The following SMCO2 variants were observed in gnomAD, a reference collection of about 807,000 sequenced individuals.
SMCO2 encodes single-pass membrane and coiled-coil domain-containing protein 2.
SMCO2 carries 25 observed loss-of-function variants against 29.5 expected under a neutral mutation model. The ratio of observed to expected loss-of-function variants is 0.85; its 90% CI spans 0.62 to 1.18. SMCO2 has a LOEUF of 1.18. Ranked by LOEUF, SMCO2 falls within the 50% of genes most tolerant of loss-of-function variation. The probability of loss-of-function intolerance (pLI) is 0.00; values close to 1 mark genes in which losing one functional copy is unlikely to be tolerated. For missense variants in SMCO2, 348 were observed against 344.5 expected, an observed-to-expected ratio of 1.01 and a Z score of -0.08; for synonymous variants, 117 against 123.3, an observed-to-expected ratio of 0.95 and a Z score of 0.34.
chr12:27,490,669 C>G (rs1296926471), intron 5 of SMCO2, among the ~76,000 whole-genome samples: 1 of 152,198 alleles, frequency 6.6e-6, no homozygotes, highest in Non-Finnish European at 1.5e-5. Context: ...GTGACTCACA[C>G]CTGTAACCCC....
At chr12:27,473,945 A>G (rs141193450) in intron 3 of SMCO2, among the ~76,000 whole-genome samples, 10 of 152,362 alleles carry the variant, frequency 6.6e-5, no homozygotes, top group African/African-American at 2.2e-4. Context: ...GCTTTTCTAG[A>G]ACATGGCAAA....
chr12:27,469,993 G>T (rs1233852939), intron 1 of SMCO2, among the ~76,000 whole-genome samples: 2 of 152,190 alleles, frequency 1.3e-5, no homozygotes, highest in African/African-American at 4.8e-5. Context: ...CTTTGAACCA[G>T]TAATTCCACC....
chr12:27,492,856 C>T (rs546516442), intron 5 of SMCO2, among the ~76,000 whole-genome samples: 1 of 152,278 alleles, frequency 6.6e-6, no homozygotes, highest in South Asian at 2.1e-4. Context: ...GAATATAAAT[C>T]ACTCTACCAT....
intron 4 of SMCO2, among the ~76,000 whole-genome samples, chr12:27,483,333 G>A (rs1283608589): frequency 6.6e-6 from 1 of 152,062 alleles, no homozygotes; most frequent in Non-Finnish European, 1.5e-5. Context: ...TGAGGCTCTG[G>A]TTTTAGTTGC....
At chr12:27,484,404 C>G (rs1217641251) in intron 4 of SMCO2, among the ~76,000 whole-genome samples, 1 of 152,008 alleles carries the variant, frequency 6.6e-6, no homozygotes, top group Non-Finnish European at 1.5e-5. Context: ...CCAAAACTAT[C>G]TTCTGTGATA....
At chr12:27,436,939 A>G in the SMCO2 span, among the ~76,000 whole-genome samples, 1 of 152,240 alleles carries the variant, frequency 6.6e-6, no homozygotes, top group African/African-American at 2.4e-5. Flanking sequence ...TTGCCCTTAC[A>G]AAAGATGACT....
At chr12:27,494,625 T>C (rs1180514047) in intron 6 of SMCO2, among the ~76,000 whole-genome samples, 2 of 151,924 alleles carry the variant, frequency 1.3e-5, no homozygotes, top group African/African-American at 4.8e-5. Flanking sequence ...TCATCTACAT[T>C]AGGTATTTCT....
intron 4 of SMCO2, among the ~76,000 whole-genome samples, chr12:27,477,210 GTTTTT>G (rs770789669): frequency 1.6e-5 from 1 of 62,668 alleles, no homozygotes; most frequent in Admixed American, 1.8e-4. Context: ...TGGCTGTCAG[GTTTTT>G]TTTTTTTTTT....
intron 5 of SMCO2, among the ~76,000 whole-genome samples, chr12:27,490,403 G>T (rs1949725571): frequency 6.6e-6 from 1 of 152,240 alleles, no homozygotes; most frequent in South Asian, 2.1e-4. Flanking sequence ...GGAAATTTAG[G>T]GGCTGATGGA....
exon 2 of SMCO2, chr12:27,470,688 C>T: frequency 6.4e-7 from 1 of 1,551,288 alleles, no homozygotes; most frequent in Non-Finnish European, 8.7e-7. Flanking sequence ...TGAAGATGGA[C>T]TGCCAGGAAC....
intron 1 of SMCO2, among the ~76,000 whole-genome samples, chr12:27,469,991 C>T (rs1949527975): frequency 6.6e-6 from 1 of 152,170 alleles, no homozygotes. Context: ...TCCTTTGAAC[C>T]AGTAATTCCA....
chr12:27,432,069 G>T, the SMCO2 span, among the ~76,000 whole-genome samples: 2 of 151,394 alleles, frequency 1.3e-5, no homozygotes, highest in Non-Finnish European at 3.0e-5. Flanking sequence ...TTGGCCATTT[G>T]TATATCTTCT....
Position 27,475,573 on chromosome 12 carries a change from T to C in SMCO2, c.362+660T>C. ...TGCTTTGAAAATGATCACCATAATA[T>C]TTCCGCAGGTGTCTGAAGGGCATGT... is the stretch of plus-strand genomic sequence containing the variant. On this transcript the variant is annotated intron_variant, in intron 4 of 7. Transcript: ENST00000298876. The C allele has an allele frequency of 6.6e-7, 1 of 1,517,810 alleles. No homozygotes were observed. The highest frequency in any genetic ancestry group is 8.8e-7 in the Non-Finnish European group (1 of 1,136,920). The allele number at this position is 1,517,810 out of a possible 1,614,324, so 94.0% of individuals were successfully genotyped here.
At chr12:27,485,202 C>CT (rs1396060324) in intron 4 of SMCO2, among the ~76,000 whole-genome samples, 1 of 151,308 alleles carries the variant, frequency 6.6e-6, no homozygotes, top group Non-Finnish European at 1.5e-5. Flanking sequence ...ATTCACTAAT[C>CT]TTTTGGTTCT....
At chr12:27,475,698 A>C in intron 4 of SMCO2, 1 of 1,549,492 alleles carries the variant, frequency 6.5e-7, no homozygotes, top group South Asian at 1.2e-5. Flanking sequence ...AATATTATTA[A>C]AAAAATAAAT....
intron 4 of SMCO2, among the ~76,000 whole-genome samples, chr12:27,476,005 T>C (rs1289220165): frequency 6.6e-6 from 1 of 152,234 alleles, no homozygotes; most frequent in Admixed American, 6.5e-5. Context: ...TGTTTATTGC[T>C]GTAAACTTAC....
intron 7 of SMCO2, 65 bp from the exon 9 acceptor site, chr12:27,501,858 C>T: frequency 7.8e-7 from 1 of 1,282,426 alleles, no homozygotes; most frequent in Non-Finnish European, 1.0e-6. Context: ...GGTGGAGGTG[C>T]CAGGAGCCTA....
chr12:27,475,805 G>T, intron 4 of SMCO2, 74 bp downstream of exon 5: 3 of 1,330,318 alleles, frequency 2.3e-6, no homozygotes, highest in South Asian at 2.0e-5. Flanking sequence ...AGAAACTTTG[G>T]GCTTAAGATG....
At chr12:27,432,766 A>T in the SMCO2 span, among the ~76,000 whole-genome samples, 1 of 152,228 alleles carries the variant, frequency 6.6e-6, no homozygotes, top group African/African-American at 2.4e-5. Context: ...TTCCAAAAGC[A>T]TATTCATTAA....
Sources: gnomAD v4.1 joint callset for allele counts (sites outside exome capture counted in the v4.1 genomes callset) on GRCh38, gnomAD v4.1.1 for gene constraint, MANE v1.5 for transcripts, NCBI Gene and HGNC (gene_info 2026-07-23, HGNC 2026-07-21) for gene names.